Variants in MEX3D observed in about 807,000 individuals in gnomAD.
MEX3D encodes RNA-binding protein MEX3D.
Under a neutral mutation model 6.3 loss-of-function variants are expected in MEX3D, and 4 were observed. That is an observed-to-expected ratio of 0.64 (90% confidence interval 0.31 to 1.46). The LOEUF (loss-of-function observed/expected upper bound fraction) is 1.46. MEX3D is among the 40% of genes most tolerant of loss of function. MEX3D has a pLI of 0.07. For missense variants in MEX3D, 1,038 were observed against 994.4 expected (o/e 1.04, Z -0.59); for synonymous variants, 626 against 494.1 (o/e 1.27, Z -3.54).
At position 1,555,553 on chromosome 19, in the gene MEX3D, G is replaced by T; in HGVS notation, c.*10C>A. The T allele has an allele frequency of 6.4e-7, 1 of 1,562,018 alleles. No individual in the cohort carries two copies. Among genetic ancestry groups the T allele is most frequent in the South Asian group, 1.2e-5 (1 of 84,888 alleles). ...CCGCAGATGGCCCCGGCCACGTGGT[G>T]GTCCGCGCTCTAGGAAAAGATATGA... On this transcript the variant is annotated 3_prime_UTR_variant, in exon 2 of 2. Coordinates refer to ENST00000402693, the MANE Select transcript of MEX3D (RefSeq NM_203304.4).
At position 1,568,175 on chromosome 19, in the gene MEX3D, G is replaced by A. The variant is rs1914905502; in HGVS notation, c.-117C>T. 1.1e-6 allele frequency: 1 copy of A among 891,458 alleles called. No individual in the cohort carries two copies. Among genetic ancestry groups the A allele is most frequent in the Non-Finnish European group, 1.3e-6 (1 of 749,284 alleles). The allele number at this position is 891,458 out of a possible 1,614,324, so 55.2% of individuals were successfully genotyped here. On this transcript the variant is annotated 5_prime_UTR_variant, in exon 1 of 2. Coordinates refer to ENST00000402693, the MANE Select transcript of MEX3D (RefSeq NM_203304.4). The stretch of plus-strand genomic sequence containing the variant: ...CCGCCTGCATCCAGCGGCGGGGGCG[G>A]GCACGGGGGGCCGGGCGGGCGGGGC...
rs758620023 is a variant in MEX3D at position 1,556,932 on chromosome 19, G to A, written c.596-9C>T. ...GGCCTTGATCTTGCAGCCTGTCCGG[G>A]AGGGAGGGGAAGGACAAGGTGACCC... On this transcript the variant is annotated splice_polypyrimidine_tract_variant and intron_variant, in intron 1 of 1. Coordinates refer to ENST00000402693, the MANE Select transcript of MEX3D (RefSeq NM_203304.4). This position sits in a 1 kb window ranked among gnomAD's most constrained non-coding sequence, Gnocchi z 7.5. The A allele has an allele frequency of 4.7e-5, 75 of 1,588,330 alleles. No homozygotes were observed. Among genetic ancestry groups the A allele is most frequent in the Non-Finnish European group, 6.3e-5 (74 of 1,169,786 alleles).
intron 1 of MEX3D, among the ~76,000 whole-genome samples, chr19:1,563,338 T>A (rs561875954): frequency 6.6e-6 from 1 of 152,306 alleles, no homozygotes; most frequent in African/African-American, 2.4e-5. Context: ...CTAAAATCAC[T>A]AGCCTTAGCC....
chr19:1,555,548 G>A lies in MEX3D; in HGVS notation c.*15C>T, dbSNP rs371627651. On this transcript the variant is annotated 3_prime_UTR_variant, in exon 2 of 2. Coordinates refer to ENST00000402693, the MANE Select transcript of MEX3D (RefSeq NM_203304.4). ...GGCCCCCGCAGATGGCCCCGGCCAC[G>A]TGGTGGTCCGCGCTCTAGGAAAAGA... 8.7e-6 allele frequency: 13 copies of A among 1,499,380 alleles called. No individual in the cohort carries two copies. Among genetic ancestry groups the A allele is most frequent in the East Asian group, 2.7e-5 (1 of 37,538 alleles). The allele number at this position is 1,499,380 out of a possible 1,614,324, so 92.9% of individuals were successfully genotyped here.
chr19:1,556,574 C>A lies in MEX3D; in HGVS notation c.945G>T (p.Glu315Asp). 6 of 1,608,974 alleles carry A rather than the reference C, an allele frequency of 3.7e-6. No individual in the cohort carries two copies. The highest frequency in any genetic ancestry group is 5.1e-6 in the Non-Finnish European group (6 of 1,178,492). The change falls in exon 2 of 2, where the codon GAG becomes GAT. Residue 315 changes from glutamate (E) to aspartate (D), a missense_variant. This residue lies in a region of MEX3D where 65 missense variants were observed against 109.3 expected (regional missense o/e 0.59). Transcript: ENST00000402693. The surrounding 1 kb of genome is among the most constrained non-coding windows in gnomAD (Gnocchi z 7.5). ...TYIVTPGRDK[E>D]PVFAVTGMPE... ...GCATCCCAGTGACCGCGAACACCGGCTCCTTGTCGCGCCCGGGCGTCACGA... is the reference window on the plus strand; with the variant it reads ...GCATCCCAGTGACCGCGAACACCGGATCCTTGTCGCGCCCGGGCGTCACGA...
intron 1 of MEX3D, among the ~76,000 whole-genome samples, chr19:1,561,760 C>T (rs1914723930): frequency 6.6e-6 from 1 of 152,132 alleles, no homozygotes. Flanking sequence ...CCTCTCACCT[C>T]AGCCTCCCGA....
At position 1,556,266 on chromosome 19, in the gene MEX3D, G is replaced by A. The variant is rs1239904669; in HGVS notation, c.1253C>T (p.Pro418Leu). The stretch of plus-strand genomic sequence containing the variant: ...GCCGCTGTAGGGGCTGGCGGGGCCT[G>A]GGTCCGGCACGGAGGGGCCGCCGCG... ...GSRGGPSVPD[P>L]GPASPYSGSG... Residue 418 changes from proline to leucine, a missense_variant, in exon 2 of 2, where the codon CCA becomes CTA. Pro to Leu is a moderately conservative substitution (Grantham distance 98). Transcript: ENST00000402693. The surrounding 1 kb of genome is among the most constrained non-coding windows in gnomAD (Gnocchi z 7.5). 5.3e-6 allele frequency: 7 copies of A among 1,332,886 alleles called. No homozygotes were observed. The Admixed American group carries it at 2.9e-4, about 54-fold the overall frequency. 82.6% of individuals were successfully genotyped at this position (1,332,886 alleles called of 1,614,324 possible).
intron 1 of MEX3D, among the ~76,000 whole-genome samples, chr19:1,559,056 T>G (rs1237342297): frequency 2.0e-5 from 3 of 151,502 alleles, no homozygotes; most frequent in Admixed American, 6.6e-5. Context: ...GGTGTGATCA[T>G]AGCTCACTGC....
intron 1 of MEX3D, among the ~76,000 whole-genome samples, chr19:1,562,053 A>C (rs1269575944): frequency 6.6e-6 from 1 of 151,370 alleles, no homozygotes; most frequent in Non-Finnish European, 1.5e-5. Flanking sequence ...CGAGGTCAGG[A>C]GATCAAGACC....
intron 1 of MEX3D, among the ~76,000 whole-genome samples, chr19:1,566,596 G>A (rs904169458): frequency 6.6e-6 from 1 of 152,138 alleles, no homozygotes; most frequent in African/African-American, 2.4e-5. Flanking sequence ...GTGGCGGGAA[G>A]GCAGGAGAAA....
chr19:1,567,809 C>G lies in MEX3D; in HGVS notation c.250G>C (p.Gly84Arg). The G allele has an allele frequency of 1.0e-6, 1 of 966,332 alleles. No homozygotes were observed. The highest frequency in any genetic ancestry group is 1.2e-6 in the Non-Finnish European group (1 of 814,660). 59.9% of individuals were successfully genotyped at this position (966,332 alleles called of 1,614,324 possible). A position where few individuals can be genotyped will look rare whatever the true frequency, so the allele number is the denominator to read the frequency against. Reference protein sequence around the residue: ...AGDTDEEGAAGDGAAAAGGAD... With the variant: ...AGDTDEEGAARDGAAAAGGAD... ...CCCCCCGCCGCCGCTGCGCCGTCCC[C>G]GGCCGCCCCCTCCTCGTCCGTGTCG... Residue 84 changes from glycine to arginine, a missense_variant, in exon 1 of 2, where the codon GGG becomes CGG. Gly to Arg is a moderately radical substitution (Grantham distance 125). Around this residue, in one of 5 missense-constraint regions of MEX3D, gnomAD observed 265 missense variants for 206.3 expected, o/e 1.28. Transcript: ENST00000402693. This position sits in a 1 kb window ranked among gnomAD's most constrained non-coding sequence, Gnocchi z 6.5.
intron 1 of MEX3D, among the ~76,000 whole-genome samples, chr19:1,565,639 A>G (rs1448322969): frequency 6.6e-6 from 1 of 152,184 alleles, no homozygotes; most frequent in Non-Finnish European, 1.5e-5. Flanking sequence ...TCATCTGCGC[A>G]GGGCCACGGC....
At chr19:1,557,427 G>A (rs1261975191) in intron 1 of MEX3D, among the ~76,000 whole-genome samples, 10 of 151,090 alleles carry the variant, frequency 6.6e-5, no homozygotes, top group African/African-American at 4.9e-5. Context: ...TCATCCGGGT[G>A]TAGCGGCAGG....
At chr19:1,564,395 T>C (rs1214251635) in intron 1 of MEX3D, among the ~76,000 whole-genome samples, 1 of 151,840 alleles carries the variant, frequency 6.6e-6, no homozygotes, top group Admixed American at 6.6e-5. Context: ...CAGCTGGGCA[T>C]AGTGGCACGT....
chr19:1,555,301 T>G lies in MEX3D; in HGVS notation c.*262A>C. The stretch of plus-strand genomic sequence containing the variant: ...AACTAAAAAAAGTGCAAGCGGACCT[T>G]TTCTCTCCGGTTTATTGTAACCTGA... On this transcript the variant is annotated 3_prime_UTR_variant, in exon 2 of 2. Coordinates refer to ENST00000402693, the MANE Select transcript of MEX3D (RefSeq NM_203304.4). The G allele has an allele frequency of 6.3e-7, 1 of 1,579,048 alleles. No individual in the cohort carries two copies. Among genetic ancestry groups the G allele is most frequent in the Non-Finnish European group, 8.6e-7 (1 of 1,158,160 alleles).
In MEX3D at chr19:1,555,722, C is replaced by G. The variant is rs771584506; in HGVS notation, c.1797G>C (p.Glu599Asp). ...SASSAPALAR[E>D]CVVCAEGEVM... Reference sequence around the variant, plus strand: ...CCTCGCCCTCGGCGCACACCACGCACTCTCGCGCCAGGGCCGGGGCCGAGG... The same window carrying G: ...CCTCGCCCTCGGCGCACACCACGCAGTCTCGCGCCAGGGCCGGGGCCGAGG... The change falls in exon 2 of 2, where the codon GAG (glutamate) becomes GAC (aspartate). Residue 599 changes from glutamate (E) to aspartate (D), a missense_variant. Around this residue, in one of 5 missense-constraint regions of MEX3D, gnomAD observed 581 missense variants for 516.2 expected, o/e 1.13. Coordinates refer to ENST00000402693, the MANE Select transcript of MEX3D (RefSeq NM_203304.4). 2 of 1,535,352 alleles carry G rather than the reference C, an allele frequency of 1.3e-6. No individual in the cohort carries two copies. The highest frequency in any genetic ancestry group is 8.7e-7 in the Non-Finnish European group (1 of 1,147,206).
At position 1,556,871 on chromosome 19, in the gene MEX3D, T is replaced by G; in HGVS notation, c.648A>C (p.Pro216=). 6.2e-7 allele frequency: 1 copy of G among 1,612,372 alleles called. No homozygotes were observed. The highest frequency in any genetic ancestry group is 8.5e-7 in the Non-Finnish European group (1 of 1,179,784). ...TGAAGACCGGCTCCTCGCCCCGCAC[T>G]GGGGTCTTGATGTAGGTGTTTGTCT... ...RAKTNTYIKT[P]VRGEEPVFIV... Residue 216 remains proline, a synonymous_variant, in exon 2 of 2, where the codon CCA becomes CCC. Coordinates refer to ENST00000402693, the MANE Select transcript of MEX3D (RefSeq NM_203304.4). This position sits in a 1 kb window ranked among gnomAD's most constrained non-coding sequence, Gnocchi z 7.5.
At chr19:1,559,749 C>G (rs530343726) in intron 1 of MEX3D, among the ~76,000 whole-genome samples, 1 of 152,178 alleles carries the variant, frequency 6.6e-6, no homozygotes, top group Non-Finnish European at 1.5e-5. Context: ...AAGTCAGAAA[C>G]TGCCTGGGCC....
chr19:1,568,299 C>T lies in MEX3D; in HGVS notation c.-241G>A, dbSNP rs1213115753. On this transcript the variant is annotated 5_prime_UTR_variant, in exon 1 of 2. Coordinates refer to ENST00000402693, the MANE Select transcript of MEX3D (RefSeq NM_203304.4). Reference sequence around the variant, plus strand: ...GCGGCGGCGGCGACGGCGGCGGCGGCTCCTCGGCGGCCGAGGCGGCGGCGG... The same window carrying T: ...GCGGCGGCGGCGACGGCGGCGGCGGTTCCTCGGCGGCCGAGGCGGCGGCGG... Among the ~76,000 whole-genome samples, 2 of 141,408 alleles carry T rather than the reference C, an allele frequency of 1.4e-5. No individual in the cohort carries two copies. Among genetic ancestry groups the T allele is most frequent in the Non-Finnish European group, 3.1e-5 (2 of 64,006 alleles). The allele number at this position is 141,408 out of a possible 152,430, so 92.8% of individuals were successfully genotyped here.
Sources: allele counts gnomAD v4.1 joint callset (sites outside exome capture counted in the v4.1 genomes callset), GRCh38; gene constraint gnomAD v4.1.1; regional missense constraint gnomAD v4.1.1; non-coding constraint Gnocchi (gnomAD v3.1); transcripts MANE v1.5; gene names NCBI Gene and HGNC (gene_info 2026-07-23, HGNC 2026-07-21).